Variants in CRADD observed in about 807,000 individuals in gnomAD.
CRADD encodes the protein death domain-containing protein CRADD.
A neutral mutation model predicts 15.5 loss-of-function variants in CRADD; 9 were observed. The ratio of observed to expected loss-of-function variants is 0.58; its 90% CI spans 0.35 to 1.01. CRADD has a LOEUF of 1.01. Among genes scored for constraint, CRADD ranks in the 50% least tolerant of loss-of-function variants. CRADD has a pLI of 0.02. For synonymous variants in CRADD, 118 were observed against 107.6 expected (o/e 1.10, Z -0.60); for missense variants, 227 against 250.3 (o/e 0.91, Z 0.63).
intron 2 of CRADD, among the ~76,000 whole-genome samples, chr12:93,882,652 T>TTAAAATAAA (rs1958510968): frequency 6.6e-6 from 1 of 152,146 alleles, no homozygotes; most frequent in African/African-American, 2.4e-5. Flanking sequence ...TTAATCACCC[T>TTAAAATAAA]TAAAATAAAT....
chr12:93,760,150 G>GA (rs1956935734), intron 2 of CRADD, among the ~76,000 whole-genome samples: 1 of 151,958 alleles, frequency 6.6e-6, no homozygotes, highest in Non-Finnish European at 1.5e-5. Context: ...AGAGGATAGA[G>GA]AAAAAAATAC....
chr12:93,751,245 C>T (rs1208899044), intron 2 of CRADD, among the ~76,000 whole-genome samples: 1 of 152,146 alleles, frequency 6.6e-6, no homozygotes, highest in Non-Finnish European at 1.5e-5. Context: ...TCTCCAATCA[C>T]GTCAGGAAGT....
chr12:93,868,067 G>A (rs911875747), intron 2 of CRADD, among the ~76,000 whole-genome samples: 2 of 152,050 alleles, frequency 1.3e-5, no homozygotes, highest in Non-Finnish European at 2.9e-5. Context: ...TTTACTGTTG[G>A]GGAGTATAGA....
intron 2 of CRADD, among the ~76,000 whole-genome samples, chr12:93,862,364 T>C (rs1359414392): frequency 2.0e-5 from 3 of 152,218 alleles, no homozygotes; most frequent in African/African-American, 7.2e-5. Flanking sequence ...CAAAGCGACA[T>C]GACACCACCT....
chr12:93,851,969 C>A (rs1286466180), downstream of CRADD, among the ~76,000 whole-genome samples: 1 of 152,194 alleles, frequency 6.6e-6, no homozygotes. Context: ...AGCTGCTATG[C>A]CACAGTTTAT....
chr12:93,811,910 G>A (rs534114503), intron 2 of CRADD, among the ~76,000 whole-genome samples: 1 of 152,184 alleles, frequency 6.6e-6, no homozygotes, highest in South Asian at 2.1e-4. Flanking sequence ...GTAACTGAGT[G>A]GATAAACTGT....
At chr12:93,737,571 C>T (rs866608759) in intron 2 of CRADD, 1 of 152,224 alleles carries the variant, frequency 6.6e-6, no homozygotes. Context: ...CAAACAAATG[C>T]AACCATAAAA....
At chr12:93,874,396 TC>T (rs1958444422) in intron 2 of CRADD, among the ~76,000 whole-genome samples, 1 of 152,044 alleles carries the variant, frequency 6.6e-6, no homozygotes, top group Non-Finnish European at 1.5e-5. Flanking sequence ...ACTTTTTGTT[TC>T]ATTGATTTTT....
Position 93,850,216 on chromosome 12 carries a change from A to G in CRADD, c.545A>G (p.Asn182Ser), listed in dbSNP as rs1958199896. 1 of 1,612,342 alleles carries G rather than the reference A, an allele frequency of 6.2e-7. No homozygotes were observed. The highest frequency in any genetic ancestry group is 1.3e-5 in the African/African-American group (1 of 74,902). The change falls in exon 3 of 3, where the codon AAC (asparagine) becomes AGC (serine). Residue 182 changes from asparagine to serine, a missense_variant. Physicochemically the swap from Asn to Ser is conservative, Grantham distance 46. Transcript: ENST00000332896. The surrounding 1 kb of genome is among the most constrained non-coding windows in gnomAD (Gnocchi z 4.0). Reference protein sequence around the residue: ...GKQATFQSLHNGLRAVEVDPS... With the variant: ...GKQATFQSLHSGLRAVEVDPS... ...CAGGCCACCTTCCAGAGCCTGCACAACGGGCTGCGGGCTGTGGAGGTGGAC... is the reference window on the plus strand; with the variant it reads ...CAGGCCACCTTCCAGAGCCTGCACAGCGGGCTGCGGGCTGTGGAGGTGGAC...
In CRADD at chr12:93,846,590, A is replaced by ACACACACACGCG. The variant is rs1555228781; in HGVS notation, c.299-3371_299-3370insGCGCACACACAC. 48 of 145,870 alleles carry ACACACACACGCG rather than the reference A, an allele frequency of 3.3e-4. 1 individual carries two copies. Among genetic ancestry groups the ACACACACACGCG allele is most frequent in the African/African-American group, 1.1e-3 (44 of 39,672 alleles). 9.0% of individuals were successfully genotyped at this position (145,870 alleles called of 1,614,324 possible). On this transcript the variant is annotated intron_variant, in intron 2 of 2. Coordinates refer to ENST00000332896, the MANE Select transcript of CRADD (RefSeq NM_003805.5). The stretch of plus-strand genomic sequence containing the variant: ...ACAACGTTAAAACCAGAACACACAC[A>ACACACACACGCG]CACACACACACACACACACACACAC...
At chr12:93,831,823 A>G (rs1957907426) in intron 2 of CRADD, among the ~76,000 whole-genome samples, 2 of 152,262 alleles carry the variant, frequency 1.3e-5, no homozygotes, top group Admixed American at 1.3e-4. Flanking sequence ...ACATGCAGTC[A>G]GGTCACTGAT....
At chr12:93,788,911 A>G (rs1438552379) in intron 2 of CRADD, among the ~76,000 whole-genome samples, 1 of 152,054 alleles carries the variant, frequency 6.6e-6, no homozygotes, top group African/African-American at 2.4e-5. Context: ...CAGCCTTTCC[A>G]TAGTGGAGCC....
At chr12:93,864,799 C>G (rs1401434092) in intron 2 of CRADD, among the ~76,000 whole-genome samples, 2 of 152,100 alleles carry the variant, frequency 1.3e-5, no homozygotes, top group African/African-American at 4.8e-5. Flanking sequence ...GTCATTGAGT[C>G]AAAAAATCTT....
Position 93,850,053 on chromosome 12 carries a change from G to C in CRADD, c.382G>C (p.Gly128Arg), listed in dbSNP as rs387906861. 17 of 1,612,004 alleles carry C rather than the reference G, an allele frequency of 1.1e-5. No individual in the cohort carries two copies. The highest frequency in any genetic ancestry group is 1.4e-5 in the Non-Finnish European group (17 of 1,178,164). ...GATTAACCAGCTGGCCCAGAGGCTG[G>C]GCCCTGAGTGGGAGCCCATGGTGCT... Reference protein sequence around the residue: ...RQINQLAQRLGPEWEPMVLSL... With the variant: ...RQINQLAQRLRPEWEPMVLSL... The change falls in exon 3 of 3, where the codon GGC becomes CGC. Residue 128 changes from glycine to arginine, a missense_variant. By Grantham distance (125) the Gly-to-Arg change is moderately radical. Transcript: ENST00000332896. The surrounding 1 kb of genome is among the most constrained non-coding windows in gnomAD (Gnocchi z 4.0).
At chr12:93,764,472 A>G (rs1159791560) in intron 2 of CRADD, among the ~76,000 whole-genome samples, 1 of 152,136 alleles carries the variant, frequency 6.6e-6, no homozygotes, top group African/African-American at 2.4e-5. Context: ...TTGGTTGACA[A>G]AGGGTATACA....
intron 2 of CRADD, among the ~76,000 whole-genome samples, chr12:93,885,203 A>G (rs11107233): frequency 0.013 from 1,939 of 152,336 alleles, 41 homozygotes; most frequent in African/African-American, 0.045. Flanking sequence ...AAATTCAGCC[A>G]TAGTGGTCAC....
chr12:93,827,003 C>T (rs1367893942), intron 2 of CRADD, among the ~76,000 whole-genome samples: 1 of 152,090 alleles, frequency 6.6e-6, no homozygotes, highest in Non-Finnish European at 1.5e-5. Context: ...AGGACCTAAC[C>T]CAGTGAAGTG....
At chr12:93,841,351 T>A (rs1356799685) in intron 2 of CRADD, among the ~76,000 whole-genome samples, 1 of 152,234 alleles carries the variant, frequency 6.6e-6, no homozygotes, top group South Asian at 2.1e-4. Flanking sequence ...ATCAGCTAGA[T>A]AGCTTTTGTC....
chr12:93,692,618 T>C lies in CRADD; in HGVS notation c.298+13546T>C, dbSNP rs11107159. On this transcript the variant is annotated intron_variant, in intron 2 of 2. Coordinates refer to ENST00000332896, the MANE Select transcript of CRADD (RefSeq NM_003805.5). Reference sequence around the variant, plus strand: ...AAAAAAAATTGCTAACAATGAATAGTGTAGCCGGCAAAACCGTTCTTTAGA... The same window carrying C: ...AAAAAAAATTGCTAACAATGAATAGCGTAGCCGGCAAAACCGTTCTTTAGA... 9.2e-3 allele frequency among the ~76,000 whole-genome samples: 1,406 copies of C among 152,244 alleles called. 16 individuals carry two copies. Among genetic ancestry groups the C allele is most frequent in the African/African-American group, 0.032 (1,347 of 41,534 alleles).
Sources: gnomAD v4.1 joint callset for allele counts (sites outside exome capture counted in the v4.1 genomes callset) on GRCh38, gnomAD v4.1.1 for gene constraint, Gnocchi (gnomAD v3.1) non-coding constraint, MANE v1.5 for transcripts, NCBI Gene and HGNC (gene_info 2026-07-23, HGNC 2026-07-21) for gene names.